The following MGAT4A variants were observed in gnomAD, a reference collection of about 807,000 sequenced individuals.
The protein encoded by MGAT4A is N-acetylglucosaminyltransferase IVa.
A neutral mutation model predicts 74.1 loss-of-function variants in MGAT4A; 33 were observed. The observed-to-expected ratio is 0.45, with a 90% CI of 0.34 to 0.60. The LOEUF (loss-of-function observed/expected upper bound fraction) is 0.60, where lower values mean the gene tolerates loss of function less well. MGAT4A is among the 20% of genes least tolerant of loss of function. The pLI, the probability that MGAT4A is intolerant of heterozygous loss-of-function variation, is 0.02. For missense variants in MGAT4A, 479 were observed against 628.3 expected, an observed-to-expected ratio of 0.76 and a Z score of 2.54; for synonymous variants, 198 against 210.4, an observed-to-expected ratio of 0.94 and a Z score of 0.51.
intron 12 of MGAT4A, among the ~76,000 whole-genome samples, chr2:98,638,737 C>T (rs962172965): frequency 2.0e-4 from 30 of 152,210 alleles, no homozygotes; most frequent in Admixed American, 1.8e-3. Flanking sequence ...AACTTGAATT[C>T]CTCTTTGGAA....
At chr2:98,698,980 A>C (rs1376738143) in intron 2 of MGAT4A, among the ~76,000 whole-genome samples, 2 of 152,134 alleles carry the variant, frequency 1.3e-5, no homozygotes, top group African/African-American at 4.8e-5. Flanking sequence ...GAGTTCCTTA[A>C]CAGCAGGTTT....
intron 2 of MGAT4A, among the ~76,000 whole-genome samples, chr2:98,721,480 T>G (rs773487324): frequency 6.6e-6 from 1 of 152,110 alleles, no homozygotes; most frequent in Non-Finnish European, 1.5e-5. Context: ...TGGAAATATA[T>G]CAGTAATATA....
At position 98,636,522 on chromosome 2, in the gene MGAT4A, A is replaced by T; in HGVS notation, c.1396T>A (p.Phe466Ile). 6.2e-7 allele frequency: 1 copy of T among 1,612,838 alleles called. No individual in the cohort carries two copies. The highest frequency in any genetic ancestry group is 8.5e-7 in the Non-Finnish European group (1 of 1,178,818). The change falls in exon 13 of 16, where the codon TTT (phenylalanine) becomes ATT (isoleucine). Residue 466 changes from phenylalanine (F) to isoleucine (I), a missense_variant. Around this residue, in one of 3 missense-constraint regions of MGAT4A, gnomAD observed 236 missense variants for 308.2 expected, o/e 0.77. Transcript: ENST00000393487. ...AGAGGAAATAGCAGTCATACCTTAA[A>T]AGGCAAAACTTCCACAGTTGTGTTT... The part of the protein sequence containing the change: ...LLNTTVEVLP[F>I]KSEGLEISKE...
At chr2:98,719,805 G>A (rs1000522799) in intron 2 of MGAT4A, among the ~76,000 whole-genome samples, 7 of 151,968 alleles carry the variant, frequency 4.6e-5, no homozygotes, top group South Asian at 2.1e-4. Context: ...CCACCACCAC[G>A]CCCAGCTAAT....
intron 14 of MGAT4A, among the ~76,000 whole-genome samples, chr2:98,629,636 C>T (rs1018283151): frequency 1.2e-4 from 19 of 152,154 alleles, no homozygotes; most frequent in African/African-American, 2.2e-4. Flanking sequence ...CATACACTAC[C>T]GCAAAAGATT....
intron 2 of MGAT4A, among the ~76,000 whole-genome samples, chr2:98,678,718 G>A (rs1702014437): frequency 6.6e-6 from 1 of 152,004 alleles, no homozygotes; most frequent in African/African-American, 2.4e-5. Context: ...AATGTGAGCA[G>A]TCTCCAGCAC....
At chr2:98,652,635 A>AT (rs377370106) in intron 8 of MGAT4A, among the ~76,000 whole-genome samples, 6 of 150,168 alleles carry the variant, frequency 4.0e-5, no homozygotes, top group African/African-American at 9.8e-5. Context: ...CCAGCCAACA[A>AT]TTTTTTTTAA....
At position 98,645,523 on chromosome 2, in the gene MGAT4A, A is replaced by G. The variant is rs1309979077; in HGVS notation, c.794T>C (p.Val265Ala). Residue 265 changes from valine to alanine, a missense_variant, in exon 9 of 16, where the codon GTC becomes GCC. Val to Ala is a moderately conservative substitution (Grantham distance 64). Coordinates refer to ENST00000393487, the MANE Select transcript of MGAT4A (RefSeq NM_012214.3). Reference protein sequence around the residue: ...YYIQLEDDIIVKQNYFNTIKN... With the variant: ...YYIQLEDDIIAKQNYFNTIKN... ...TATGGTATTAAAATAATTTTGTTTG[A>G]CAATAATATCATCTTCAAGCTAGAG... 4 of 1,578,888 alleles carry G rather than the reference A, an allele frequency of 2.5e-6. No homozygotes were observed. Among genetic ancestry groups the G allele is most frequent in the African/African-American group, 1.4e-5 (1 of 73,180 alleles).
intron 9 of MGAT4A, 80 bp from the exon 10 acceptor site, chr2:98,644,133 C>T (rs1701451953): frequency 9.0e-6 from 12 of 1,332,068 alleles, no homozygotes; most frequent in East Asian, 2.5e-5. Flanking sequence ...ATCTTGCCCA[C>T]GACATACACT....
chr2:98,674,896 G>T, intron 4 of MGAT4A, 139 bp downstream of exon 4: 2 of 775,304 alleles, frequency 2.6e-6, no homozygotes, highest in Non-Finnish European at 4.0e-6. Context: ...TCAACATGGA[G>T]TTTAGAATGA....
chr2:98,714,044 T>C (rs1702557031), intron 2 of MGAT4A, among the ~76,000 whole-genome samples: 1 of 152,238 alleles, frequency 6.6e-6, no homozygotes, highest in African/African-American at 2.4e-5. Flanking sequence ...ACTGTACATA[T>C]ATACTGGGAT....
At chr2:98,729,313 G>T (rs1702810108) in intron 1 of MGAT4A, among the ~76,000 whole-genome samples, 3 of 152,166 alleles carry the variant, frequency 2.0e-5, no homozygotes, top group Admixed American at 2.0e-4. Context: ...TTTAATTAGG[G>T]TTTCCCAGCT....
At position 98,624,409 on chromosome 2, in the gene MGAT4A, G is replaced by A. The variant is rs959558939; in HGVS notation, c.*1157C>T. 33 of 953,412 alleles carry A rather than the reference G, an allele frequency of 3.5e-5. No homozygotes were observed. The highest frequency in any genetic ancestry group is 1.2e-4 in the African/African-American group (7 of 56,418). 59.1% of individuals were successfully genotyped at this position (953,412 alleles called of 1,614,324 possible). A position where few individuals can be genotyped will look rare whatever the true frequency, so the allele number is the denominator to read the frequency against. ...TAGTAGTAATATCATTTGGAATAGCGTGTTTAAGAGTAATAAATACAGTCT... is the reference window on the plus strand; with the variant it reads ...TAGTAGTAATATCATTTGGAATAGCATGTTTAAGAGTAATAAATACAGTCT... On this transcript the variant is annotated 3_prime_UTR_variant, in exon 16 of 16. Coordinates refer to ENST00000393487, the MANE Select transcript of MGAT4A (RefSeq NM_012214.3).
intron 2 of MGAT4A, among the ~76,000 whole-genome samples, chr2:98,679,640 G>A (rs79151060): frequency 0.025 from 3,822 of 152,118 alleles, 67 homozygotes; most frequent in Non-Finnish European, 0.04. Flanking sequence ...TCAAAAAACA[G>A]TAGAATAAAA....
At chr2:98,649,212 A>C (rs1701540744) in intron 8 of MGAT4A, among the ~76,000 whole-genome samples, 1 of 152,162 alleles carries the variant, frequency 6.6e-6, no homozygotes, top group South Asian at 2.1e-4. Flanking sequence ...ACAGTATGTT[A>C]AGTGACAGCA....
At chr2:98,690,954 C>G (rs1444659706) in intron 2 of MGAT4A, among the ~76,000 whole-genome samples, 1 of 151,986 alleles carries the variant, frequency 6.6e-6, no homozygotes, top group Non-Finnish European at 1.5e-5. Flanking sequence ...AGAATATAGA[C>G]TAAGGAAAAA....
intron 4 of MGAT4A, among the ~76,000 whole-genome samples, chr2:98,664,611 C>A (rs1701798610): frequency 6.6e-6 from 1 of 152,174 alleles, no homozygotes; most frequent in African/African-American, 2.4e-5. Flanking sequence ...ACCTCACAGC[C>A]CTTCACAATA....
chr2:98,639,898 G>A lies in MGAT4A; in HGVS notation c.1232C>T (p.Thr411Ile). ...CCAGAAGAAATCCTCTCCCATGTAA[G>A]TTTTCTCCAGCGTATGCCCTTGGTA... ...KVYQGHTLEK[T>I]YMGEDFFWAI... The change falls in exon 12 of 16, where the codon ACT becomes ATT. Residue 411 changes from threonine to isoleucine, a missense_variant. Around this residue, in one of 3 missense-constraint regions of MGAT4A, gnomAD observed 236 missense variants for 308.2 expected, o/e 0.77. Transcript: ENST00000393487. 4 of 1,614,142 alleles carry A rather than the reference G, an allele frequency of 2.5e-6. No homozygotes were observed. Among genetic ancestry groups the A allele is most frequent in the Non-Finnish European group, 3.4e-6 (4 of 1,179,998 alleles).
At chr2:98,694,707 C>T (rs906577029) in intron 2 of MGAT4A, 3 of 152,176 alleles carry the variant, frequency 2.0e-5, no homozygotes, top group African/African-American at 7.3e-5. Context: ...ACCTGTAATC[C>T]CAGCTACTCA....
Sources: gnomAD v4.1 joint callset for allele counts (sites outside exome capture counted in the v4.1 genomes callset) on GRCh38, gnomAD v4.1.1 for gene constraint, gnomAD v4.1.1 regional missense constraint, MANE v1.5 for transcripts, NCBI Gene and HGNC (gene_info 2026-07-23, HGNC 2026-07-21) for gene names.